The following ROCK2 variants were observed in gnomAD, a reference collection of about 807,000 sequenced individuals.
ROCK2 encodes the protein rho-associated protein kinase 2.
ROCK2 carries 61 observed loss-of-function variants against 195.1 expected under a neutral mutation model. The ratio of observed to expected loss-of-function variants is 0.31; its 90% CI spans 0.25 to 0.39. The LOEUF (loss-of-function observed/expected upper bound fraction) is 0.39. Among genes scored for constraint, ROCK2 ranks in the 10% least tolerant of loss-of-function variants. The probability of loss-of-function intolerance (pLI) is 1.00; values close to 1 mark genes in which losing one functional copy is unlikely to be tolerated. For synonymous variants in ROCK2, 504 were observed against 545.5 expected (o/e 0.92, Z 1.06); for missense variants, 1,109 against 1,637.4 (o/e 0.68, Z 5.57).
In ROCK2 at chr2:11,197,206, T is replaced by G; in HGVS notation, c.3422A>C (p.Asp1141Ala). ...TGGAAACCCATCATCTGCCTCAGCA[T>G]CCCCTGGTCCACTGCCTATACTGGA... ...DSSSIGSGPG[D>A]AEADDGFPES... Residue 1141 changes from aspartate (D) to alanine (A), a missense_variant, in exon 27 of 33, where the codon GAT becomes GCT. By Grantham distance (126) the Asp-to-Ala change is moderately radical. Coordinates refer to ENST00000315872, the MANE Select transcript of ROCK2 (RefSeq NM_004850.5). This position sits in a 1 kb window ranked among gnomAD's most constrained non-coding sequence, Gnocchi z 4.9. 6.2e-7 allele frequency: 1 copy of G among 1,606,322 alleles called. No individual in the cohort carries two copies. Among genetic ancestry groups the G allele is most frequent in the Non-Finnish European group, 8.5e-7 (1 of 1,177,684 alleles).
In ROCK2 at chr2:11,249,710, C is replaced by CA; in HGVS notation, c.412dup (p.Trp138LeufsTer12). 5.7e-6 allele frequency: 9 copies of CA among 1,581,566 alleles called. No individual in the cohort carries two copies. The highest frequency in any genetic ancestry group is 4.9e-5 in the South Asian group (4 of 82,040). On this transcript the variant is annotated frameshift_variant, in exon 4 of 33. Transcript: ENST00000315872. LOFTEE classifies it high-confidence loss of function. ...AAAGGCCATAATATCTCTTTCTTCC[C>CA]AAAAAAAGGCAGAATCTGATCTTTT... is the stretch of plus-strand genomic sequence containing the variant.
rs60063109 is a variant in ROCK2, at chr2:11,268,488, TTGTGTG to T, written c.324+18045_324+18050del. The stretch of plus-strand genomic sequence containing the variant: ...TTACTGTGTGTGTGTGTTTTTTTCC[TTGTGTG>T]TGTGTGTGTGTATTTAACAGTTTTG... On this transcript the variant is annotated intron_variant, in intron 3 of 32. Transcript: ENST00000315872. 3.3e-5 allele frequency among the ~76,000 whole-genome samples: 5 copies of T among 149,764 alleles called. No individual in the cohort carries two copies. The South Asian group carries it at 1.1e-3, about 32-fold the overall frequency.
chr2:11,201,976 G>C lies in ROCK2; in HGVS notation c.2619+76C>G. ...TTTTGCCCAGCTGCTCTTTTTATAT[G>C]AGTTGTATGGTATAAATAAAATATC... On this transcript the variant is annotated intron_variant, in intron 21 of 32. Transcript: ENST00000315872. The surrounding 1 kb of genome is among the most constrained non-coding windows in gnomAD (Gnocchi z 4.6). The C allele has an allele frequency of 9.5e-7, 1 of 1,054,540 alleles. No homozygotes were observed. The highest frequency in any genetic ancestry group is 1.3e-5 in the South Asian group (1 of 78,956). The allele number at this position is 1,054,540 out of a possible 1,614,324, so 65.3% of individuals were successfully genotyped here.
chr2:11,236,987 C>T (rs1665232508), intron 4 of ROCK2, among the ~76,000 whole-genome samples: 1 of 152,052 alleles, frequency 6.6e-6, no homozygotes, highest in African/African-American at 2.4e-5. Context: ...CCCGTCTCTA[C>T]TAAAACTATA....
At chr2:11,214,617 A>G (rs1664361766) in intron 16 of ROCK2, among the ~76,000 whole-genome samples, 154 bp from the exon 17 acceptor site, 1 of 152,196 alleles carries the variant, frequency 6.6e-6, no homozygotes, top group Admixed American at 6.5e-5. Context: ...AGTTAATTCA[A>G]ATGGAATCCA....
intron 3 of ROCK2, among the ~76,000 whole-genome samples, chr2:11,278,488 T>C (rs1307033983): frequency 2.0e-5 from 3 of 152,250 alleles, no homozygotes; most frequent in Non-Finnish European, 4.4e-5. Flanking sequence ...GTTGATTCCA[T>C]ATCTTGGCTC....
chr2:11,300,871 T>C (rs534930868), intron 1 of ROCK2, among the ~76,000 whole-genome samples: 2 of 152,234 alleles, frequency 1.3e-5, no homozygotes, highest in South Asian at 2.1e-4. Flanking sequence ...AAAAGTTGTA[T>C]CATTGGTGAG....
chr2:11,331,905 G>A (rs560819688), intron 1 of ROCK2, among the ~76,000 whole-genome samples: 9 of 151,826 alleles, frequency 5.9e-5, no homozygotes, highest in African/African-American at 1.5e-4. Context: ...CAGCCCAGGC[G>A]ACAGTGTGAG....
chr2:11,338,071 G>A (rs1307922311), intron 1 of ROCK2, among the ~76,000 whole-genome samples: 1 of 152,182 alleles, frequency 6.6e-6, no homozygotes, highest in Non-Finnish European at 1.5e-5. Flanking sequence ...TAGGCTGGGT[G>A]CAGTGGCTCA....
At chr2:11,265,499 T>C (rs1055970023) in intron 3 of ROCK2, among the ~76,000 whole-genome samples, 6 of 152,100 alleles carry the variant, frequency 3.9e-5, no homozygotes, top group African/African-American at 1.4e-4. Context: ...GGAGAAAATA[T>C]AAATACCCAC....
In ROCK2 at chr2:11,192,488, A is replaced by G; in HGVS notation, c.3912T>C (p.His1304=). 1.2e-6 allele frequency: 2 copies of G among 1,614,056 alleles called. No individual in the cohort carries two copies. ...CTATAATCTCCTCCTTTTTGTCCAT[A>G]TGATCTTTATGACACTTAATATGGC... The part of the protein sequence containing the change: ...RRCHIKCHKD[H]MDKKEEIIAP... Residue 1304 remains histidine (H), a synonymous_variant, in exon 31 of 33, where the codon CAT becomes CAC. Coordinates refer to ENST00000315872, the MANE Select transcript of ROCK2 (RefSeq NM_004850.5). The surrounding 1 kb of genome is among the most constrained non-coding windows in gnomAD (Gnocchi z 5.0).
chr2:11,219,105 CT>C (rs1191093839), intron 9 of ROCK2, 79 bp from the exon 10 acceptor site: 2 of 705,048 alleles, frequency 2.8e-6, no homozygotes, highest in Non-Finnish European at 4.6e-6. Context: ...TATTCTCAGA[CT>C]TAAATATCAA....
At chr2:11,238,209 A>AGTGTGTGTGTGTGTGTGT (rs6146630) in intron 4 of ROCK2, among the ~76,000 whole-genome samples, 4,860 of 135,250 alleles carry the variant, frequency 0.036, 147 homozygotes, top group East Asian at 0.053. Flanking sequence ...ATTGAGAAAG[A>AGTGTGTGTGTGTGTGTGT]GTGTGTGTGT....
intron 11 of ROCK2, 101 bp from the exon 12 acceptor site, chr2:11,217,270 C>T: frequency 1.3e-6 from 1 of 746,812 alleles, no homozygotes; most frequent in Non-Finnish European, 2.5e-6. Context: ...TTCCACTAAA[C>T]ATAATGTCCT....
intron 32 of ROCK2, among the ~76,000 whole-genome samples, chr2:11,187,598 T>C (rs1032174066): frequency 6.6e-6 from 1 of 152,236 alleles, no homozygotes; most frequent in Non-Finnish European, 1.5e-5. Context: ...TGTATGGGGA[T>C]GAGGCAATCT....
intron 5 of ROCK2, among the ~76,000 whole-genome samples, chr2:11,229,833 C>T (rs1026105998): frequency 1.3e-5 from 2 of 151,976 alleles, no homozygotes; most frequent in African/African-American, 4.8e-5. Context: ...ACTGACAATT[C>T]TGAAATAATT....
At chr2:11,209,813 T>C (rs1009720606) in intron 18 of ROCK2, among the ~76,000 whole-genome samples, 14 of 152,230 alleles carry the variant, frequency 9.2e-5, no homozygotes, top group African/African-American at 4.8e-5. Flanking sequence ...ATATTTAGTG[T>C]TTAATGAATG....
At position 11,235,527 on chromosome 2, in the gene ROCK2, G is replaced by C. The variant is rs1572282546; in HGVS notation, c.723+175C>G. Among the ~76,000 whole-genome samples the C allele has an allele frequency of 6.6e-6, 1 of 152,128 alleles. No individual in the cohort carries two copies. Among genetic ancestry groups the C allele is most frequent in the Non-Finnish European group, 1.5e-5 (1 of 68,008 alleles). On this transcript the variant is annotated intron_variant, in intron 5 of 32. Coordinates refer to ENST00000315872, the MANE Select transcript of ROCK2 (RefSeq NM_004850.5). This position sits in a 1 kb window ranked among gnomAD's most constrained non-coding sequence, Gnocchi z 4.2. The stretch of plus-strand genomic sequence containing the variant: ...TACAGCTACATAAATGATTACAAAA[G>C]AAATGTTTTAAGTTGGTTAAGGAAA...
In ROCK2 at chr2:11,197,806, A is replaced by T; in HGVS notation, c.3100-101T>A. 1.4e-6 allele frequency: 1 copy of T among 697,460 alleles called. No individual in the cohort carries two copies. The highest frequency in any genetic ancestry group is 4.0e-5 in the South Asian group (1 of 24,858). 43.2% of individuals were successfully genotyped at this position (697,460 alleles called of 1,614,324 possible). A position where few individuals can be genotyped will look rare whatever the true frequency, so the allele number is the denominator to read the frequency against. ...AGCAACAAGTTATACAATCACAAAT[A>T]CTCTCCTTCCCTACATACAGGGCTA... On this transcript the variant is annotated intron_variant, in intron 25 of 32. Transcript: ENST00000315872. The surrounding 1 kb of genome is among the most constrained non-coding windows in gnomAD (Gnocchi z 4.9).
Sources: gnomAD v4.1 joint callset for allele counts (sites outside exome capture counted in the v4.1 genomes callset) on GRCh38, gnomAD v4.1.1 for gene constraint, Gnocchi (gnomAD v3.1) non-coding constraint, MANE v1.5 for transcripts, NCBI Gene and HGNC (gene_info 2026-07-23, HGNC 2026-07-21) for gene names.